Variants in ANKFN1 observed in about 807,000 individuals in gnomAD.
ANKFN1 encodes the protein ankyrin repeat and fibronectin type III domain containing 1.
ANKFN1 carries 74 observed loss-of-function variants against 108.7 expected under a neutral mutation model. The ratio of observed to expected loss-of-function variants is 0.68; its 90% CI spans 0.56 to 0.83. The LOEUF (loss-of-function observed/expected upper bound fraction) is 0.83. Ranked by LOEUF, ANKFN1 falls within the 40% of genes least tolerant of loss-of-function variation. The pLI is 0.00. For synonymous variants in ANKFN1, 547 were observed against 516.2 expected (o/e 1.06, Z -0.81); for missense variants, 1,505 against 1,382.3 (o/e 1.09, Z -1.41).
Position 56,049,394 on chromosome 17 carries a change from A to ATTT in ANKFN1, c.288+3076_288+3078dup, listed in dbSNP as rs10626731. Among the ~76,000 whole-genome samples the ATTT allele has an allele frequency of 2.7e-4, 41 of 151,370 alleles. 1 individual carries two copies. The highest frequency in any genetic ancestry group is 1.1e-3 in the Admixed American group (16 of 15,236). On this transcript the variant is annotated intron_variant, in intron 4 of 12. Coordinates refer to the ANKFN1 transcript ENST00000635860. ...CATATAGAAGCGGGTTTGATAAATG[A>ATTT]TTTTTTTTTATTATACTTTAAGTTT...
chr17:56,238,621 T>A (rs1447497389), intron 3 of ANKFN1, among the ~76,000 whole-genome samples: 1 of 152,150 alleles, frequency 6.6e-6, no homozygotes, highest in Non-Finnish European at 1.5e-5. Context: ...TTTTACTAAT[T>A]TCCATATGCT....
chr17:56,498,699 G>A (rs756583499), intron 19 of ANKFN1, among the ~76,000 whole-genome samples, 183 bp from the exon 20 acceptor site: 14 of 151,998 alleles, frequency 9.2e-5, no homozygotes, highest in African/African-American at 2.7e-4. Flanking sequence ...GTAAAAATAC[G>A]CAAAACAAAA....
In ANKFN1 at chr17:56,420,747, G is replaced by A. The variant is rs187430256; in HGVS notation, c.911-19580G>A. 1.1e-4 allele frequency among the ~76,000 whole-genome samples: 15 copies of A among 135,230 alleles called. No homozygotes were observed. The East Asian group carries it at 2.1e-3, about 19-fold the overall frequency. The allele number at this position is 135,230 out of a possible 152,430, so 88.7% of individuals were successfully genotyped here. A position where few individuals can be genotyped will look rare whatever the true frequency, so the allele number is the denominator to read the frequency against. On this transcript the variant is annotated intron_variant, in intron 8 of 20. Coordinates refer to ENST00000682825, the MANE Select transcript of ANKFN1 (RefSeq NM_001370326.1). The stretch of plus-strand genomic sequence containing the variant: ...TTTTGAGACGGAGTCTCACTCTGTC[G>A]CCCAGGCTGGAATGCAGTGGCGCGA...
intron 4 of ANKFN1, among the ~76,000 whole-genome samples, chr17:56,106,517 A>G (rs756123648): frequency 3.3e-5 from 5 of 152,184 alleles, no homozygotes; most frequent in Non-Finnish European, 7.3e-5. Flanking sequence ...GATTGATTTC[A>G]CTGCCAGATG....
rs537449198 is a variant in ANKFN1, at chr17:56,399,484, G to T, written c.910+24770G>T. 4.0e-5 allele frequency among the ~76,000 whole-genome samples: 6 copies of T among 151,598 alleles called. No individual in the cohort carries two copies. In the East Asian group the frequency reaches 9.7e-4, roughly 24 times the overall value. The stretch of plus-strand genomic sequence containing the variant: ...TCATAACCCCTTATTTAGGCTTTGG[G>T]TTTTTATTTTTCTGTAAGTTATTGG... On this transcript the variant is annotated intron_variant, in intron 8 of 20. Coordinates refer to ENST00000682825, the MANE Select transcript of ANKFN1 (RefSeq NM_001370326.1).
chr17:56,467,796 AAG>A (rs1491389741), intron 15 of ANKFN1, among the ~76,000 whole-genome samples: 987 of 18,102 alleles, frequency 0.055, 38 homozygotes, highest in African/African-American at 0.17. Context: ...AGAAAGAAGA[AAG>A]AAAGAAAGAA....
At chr17:56,058,891 G>A (rs1156516070) in intron 4 of ANKFN1, among the ~76,000 whole-genome samples, 1 of 152,098 alleles carries the variant, frequency 6.6e-6, no homozygotes, top group Non-Finnish European at 1.5e-5. Flanking sequence ...GCTGCAATAA[G>A]CATATGTGTG....
At chr17:56,410,060 A>T (rs1734993733) in intron 8 of ANKFN1, among the ~76,000 whole-genome samples, 1 of 152,104 alleles carries the variant, frequency 6.6e-6, no homozygotes, top group African/African-American at 2.4e-5. Flanking sequence ...CAAATGACAG[A>T]GTTTTCATTT....
chr17:56,192,795 CT>C (rs1319649396), intron 1 of ANKFN1, among the ~76,000 whole-genome samples: 691 of 53,390 alleles, frequency 0.013, 30 homozygotes, highest in African/African-American at 0.066. Context: ...CACTTTTACA[CT>C]GTTGGTGGGA....
chr17:56,259,227 A>G (rs919369372), intron 3 of ANKFN1, among the ~76,000 whole-genome samples: 6 of 152,180 alleles, frequency 3.9e-5, no homozygotes, highest in Non-Finnish European at 7.4e-5. Context: ...TTTAGTCACC[A>G]TGCTAGGCTG....
At chr17:56,182,883 A>T (rs1368813076) in intron 1 of ANKFN1, among the ~76,000 whole-genome samples, 1 of 152,154 alleles carries the variant, frequency 6.6e-6, no homozygotes, top group African/African-American at 2.4e-5. Context: ...TCATTCTGAA[A>T]ATCCTAAGGC....
chr17:56,250,920 T>C (rs902363443), intron 3 of ANKFN1, among the ~76,000 whole-genome samples: 6 of 152,216 alleles, frequency 3.9e-5, no homozygotes, highest in African/African-American at 9.6e-5. Context: ...TGAAACTGCT[T>C]ACCACAGAGC....
chr17:56,381,536 G>T (rs1365084169), intron 8 of ANKFN1, among the ~76,000 whole-genome samples: 2 of 152,104 alleles, frequency 1.3e-5, no homozygotes, highest in Non-Finnish European at 2.9e-5. Context: ...TGAAAACTTT[G>T]AAAAAAATTT....
intron 6 of ANKFN1, among the ~76,000 whole-genome samples, chr17:56,361,894 G>T (rs1380962180): frequency 6.6e-6 from 1 of 151,848 alleles, no homozygotes; most frequent in Admixed American, 6.6e-5. Context: ...GAGAAAGAGA[G>T]AAAGAGAGAC....
intron 1 of ANKFN1, among the ~76,000 whole-genome samples, chr17:56,176,213 G>A (rs1911138174): frequency 6.6e-6 from 1 of 152,078 alleles, no homozygotes; most frequent in African/African-American, 2.4e-5. Flanking sequence ...GGGAGTCAGG[G>A]ACTGAGGGAG....
chr17:56,197,121 C>T (rs947457933), intron 1 of ANKFN1, among the ~76,000 whole-genome samples: 1 of 152,204 alleles, frequency 6.6e-6, no homozygotes, highest in African/African-American at 2.4e-5. Flanking sequence ...TATTAGGTTT[C>T]ATTTTATGAC....
intron 8 of ANKFN1, among the ~76,000 whole-genome samples, chr17:56,431,459 G>T (rs766585997): frequency 5.3e-5 from 8 of 152,098 alleles, no homozygotes; most frequent in East Asian, 1.9e-4. Context: ...CTCAGCAAAG[G>T]TATCCCTATT....
At chr17:56,269,571 C>A (rs2043738969) in intron 3 of ANKFN1, among the ~76,000 whole-genome samples, 1 of 152,184 alleles carries the variant, frequency 6.6e-6, no homozygotes, top group South Asian at 2.1e-4. Flanking sequence ...AAGATAGAGT[C>A]AGCTCTTGCC....
At chr17:56,153,578 AT>A (rs1567807164) in intron 1 of ANKFN1, 48 bp downstream of exon 1, 3 of 1,607,216 alleles carry the variant, frequency 1.9e-6, no homozygotes, top group Non-Finnish European at 2.6e-6. Flanking sequence ...TTTGGAGGCC[AT>A]TGTTTTGCAT....
Sources: allele counts gnomAD v4.1 joint callset (sites outside exome capture counted in the v4.1 genomes callset), GRCh38; gene constraint gnomAD v4.1.1; transcripts MANE v1.5; gene names NCBI Gene and HGNC (gene_info 2026-07-23, HGNC 2026-07-21).